TM9SF3: variants seen among roughly 807,000 people sequenced by gnomAD.
The protein encoded by TM9SF3 is SM-11044-binding protein.
TM9SF3 carries 14 observed loss-of-function variants against 78.6 expected under a neutral mutation model. The observed-to-expected ratio is 0.18, with a 90% CI of 0.12 to 0.28. The LOEUF is 0.28. Ranked by LOEUF, TM9SF3 falls within the 10% of genes least tolerant of loss-of-function variation. The pLI, the probability that TM9SF3 is intolerant of heterozygous loss-of-function variation, is 1.00. For missense variants in TM9SF3, 496 were observed against 721.9 expected (o/e 0.69, Z 3.59); for synonymous variants, 231 against 241.7 (o/e 0.96, Z 0.41).
chr10:96,565,763 CAA>C, intron 2 of TM9SF3, among the ~76,000 whole-genome samples: 1 of 152,012 alleles, frequency 6.6e-6, no homozygotes, highest in East Asian at 1.9e-4. Context: ...AAACACATAA[CAA>C]AGTTTTTATT....
intron 14 of TM9SF3, among the ~76,000 whole-genome samples, chr10:96,523,442 T>G (rs962302009): frequency 1.3e-5 from 2 of 151,822 alleles, no homozygotes; most frequent in Admixed American, 1.3e-4. Flanking sequence ...ACCAACTGGT[T>G]GATGAAAGGA....
intron 3 of TM9SF3, among the ~76,000 whole-genome samples, chr10:96,564,891 A>G (rs1365071077): frequency 1.3e-5 from 2 of 152,196 alleles, no homozygotes; most frequent in Non-Finnish European, 1.5e-5. Context: ...CCATTCAAGA[A>G]ACTATCATAC....
chr10:96,557,839 C>G (rs1336306556), intron 5 of TM9SF3, among the ~76,000 whole-genome samples: 2 of 152,222 alleles, frequency 1.3e-5, no homozygotes, highest in Admixed American at 6.5e-5. Context: ...TACCCGACCC[C>G]TGGTACTCTT....
At chr10:96,584,689 C>A (rs1848610152) in intron 1 of TM9SF3, among the ~76,000 whole-genome samples, 1 of 152,168 alleles carries the variant, frequency 6.6e-6, no homozygotes, top group Non-Finnish European at 1.5e-5. Context: ...GTGGCGCACA[C>A]CTGTAATCCC....
chr10:96,571,642 A>G (rs1326966306), intron 2 of TM9SF3, among the ~76,000 whole-genome samples: 2 of 152,228 alleles, frequency 1.3e-5, no homozygotes, highest in East Asian at 3.8e-4. Flanking sequence ...GGCTCTAAAC[A>G]GCCCTTGGCA....
chr10:96,577,852 A>G (rs1218977759), intron 1 of TM9SF3, among the ~76,000 whole-genome samples: 2 of 152,328 alleles, frequency 1.3e-5, no homozygotes, highest in African/African-American at 2.4e-5. Flanking sequence ...TATGGGGCAC[A>G]TAATAGAAGA....
At chr10:96,536,180 T>C (rs919229404) in intron 9 of TM9SF3, among the ~76,000 whole-genome samples, 10 of 120,866 alleles carry the variant, frequency 8.3e-5, no homozygotes, top group African/African-American at 2.6e-4. Flanking sequence ...ATGAAGGGCA[T>C]CTACAAATAA....
intron 3 of TM9SF3, among the ~76,000 whole-genome samples, chr10:96,563,250 A>G (rs908252905): frequency 6.6e-6 from 1 of 151,972 alleles, no homozygotes; most frequent in Non-Finnish European, 1.5e-5. Context: ...TAAATGTTTT[A>G]TTTTTTTGTA....
At position 96,586,936 on chromosome 10, in the gene TM9SF3, G is replaced by C; in HGVS notation, c.-101C>G. ...CCGCCGCGGCCGATTCGCATCCACG[G>C]GGCGCGGACAGACGCACGGGGCCCG... On this transcript the variant is annotated 5_prime_UTR_variant, in exon 1 of 15. Coordinates refer to ENST00000371142, the MANE Select transcript of TM9SF3 (RefSeq NM_020123.4). 2 of 982,436 alleles carry C rather than the reference G, an allele frequency of 2.0e-6. No individual in the cohort carries two copies. The highest frequency in any genetic ancestry group is 2.5e-6 in the Non-Finnish European group (2 of 788,910). 60.9% of individuals were successfully genotyped at this position (982,436 alleles called of 1,614,324 possible). A position where few individuals can be genotyped will look rare whatever the true frequency, so the allele number is the denominator to read the frequency against.
rs1260765422 is a variant in TM9SF3 at position 96,519,375 on chromosome 10, G to T, written c.*2888C>A. 2.0e-5 allele frequency: 3 copies of T among 151,846 alleles called. No homozygotes were observed. The highest frequency in any genetic ancestry group is 4.4e-5 in the Non-Finnish European group (3 of 67,836). 9.4% of individuals were successfully genotyped at this position (151,846 alleles called of 1,614,324 possible). A position where few individuals can be genotyped will look rare whatever the true frequency, so the allele number is the denominator to read the frequency against. The stretch of plus-strand genomic sequence containing the variant: ...AATATAATGAATTCTAAGAGTATGG[G>T]GTTTGATTTATGGGCAACCCCAGTA... On this transcript the variant is annotated 3_prime_UTR_variant, in exon 15 of 15. Coordinates refer to ENST00000371142, the MANE Select transcript of TM9SF3 (RefSeq NM_020123.4).
chr10:96,572,603 T>C (rs919201244), intron 2 of TM9SF3, among the ~76,000 whole-genome samples: 20 of 150,652 alleles, frequency 1.3e-4, no homozygotes, highest in African/African-American at 4.4e-4. Flanking sequence ...CTCAGCTCAC[T>C]GCAAGCTCCG....
At chr10:96,541,113 C>T (rs890176544) in intron 9 of TM9SF3, among the ~76,000 whole-genome samples, 2 of 152,030 alleles carry the variant, frequency 1.3e-5, no homozygotes, top group Admixed American at 6.6e-5. Flanking sequence ...CCCATGCTAA[C>T]CTGCCTCTGT....
At chr10:96,546,278 A>G (rs1244742752) in intron 8 of TM9SF3, among the ~76,000 whole-genome samples, 1 of 152,176 alleles carries the variant, frequency 6.6e-6, no homozygotes, top group African/African-American at 2.4e-5. Flanking sequence ...GACACTACCA[A>G]TCAGAACATA....
intron 3 of TM9SF3, among the ~76,000 whole-genome samples, chr10:96,564,286 G>A (rs1208558715): frequency 6.6e-6 from 1 of 152,046 alleles, no homozygotes; most frequent in Non-Finnish European, 1.5e-5. Flanking sequence ...AAAACAATAG[G>A]GAAGAAACCT....
chr10:96,578,969 T>C (rs570503794), intron 1 of TM9SF3, among the ~76,000 whole-genome samples: 168 of 152,206 alleles, frequency 1.1e-3, no homozygotes, highest in African/African-American at 3.4e-3. Context: ...CCCAGCTACT[T>C]GGGAGGCTGA....
At chr10:96,538,227 A>G (rs904767047) in intron 9 of TM9SF3, among the ~76,000 whole-genome samples, 2 of 152,348 alleles carry the variant, frequency 1.3e-5, no homozygotes, top group African/African-American at 2.4e-5. Flanking sequence ...AAATCCACAC[A>G]TACATGGTAA....
intron 8 of TM9SF3, among the ~76,000 whole-genome samples, chr10:96,546,447 T>C (rs1406009183): frequency 6.6e-6 from 1 of 152,226 alleles, no homozygotes; most frequent in Non-Finnish European, 1.5e-5. Flanking sequence ...ATAAATTTCC[T>C]GTTTTAAATA....
intron 7 of TM9SF3, among the ~76,000 whole-genome samples, chr10:96,548,922 C>T (rs1296967574): frequency 6.6e-6 from 1 of 152,096 alleles, no homozygotes; most frequent in African/African-American, 2.4e-5. Context: ...CTCCCCATGT[C>T]CCTCAAGTAA....
At chr10:96,526,575 A>G (rs1383654445) in intron 14 of TM9SF3, among the ~76,000 whole-genome samples, 2 of 152,124 alleles carry the variant, frequency 1.3e-5, no homozygotes, top group African/African-American at 4.8e-5. Context: ...CTTTTAATAG[A>G]TGATTATGAT....
Sources: gnomAD v4.1 joint callset for allele counts (sites outside exome capture counted in the v4.1 genomes callset) on GRCh38, gnomAD v4.1.1 for gene constraint, MANE v1.5 for transcripts, NCBI Gene and HGNC (gene_info 2026-07-23, HGNC 2026-07-21) for gene names.